Variants in DCAF1 observed in about 807,000 individuals in gnomAD.
DCAF1 encodes the protein DDB1 and CUL4 associated factor 1.
In DCAF1, 15 loss-of-function variants were observed where a neutral mutation model predicts 128.0. That is an observed-to-expected ratio of 0.12 (90% CI 0.08 to 0.18). The LOEUF is 0.18. Ranked by LOEUF, DCAF1 falls within the 10% of genes least tolerant of loss-of-function variation. DCAF1 has a pLI of 1.00. For missense variants in DCAF1, 988 were observed against 1,649.5 expected, an observed-to-expected ratio of 0.60 and a Z score of 6.95; for synonymous variants, 610 against 603.0, an observed-to-expected ratio of 1.01 and a Z score of -0.17.
intron 24 of DCAF1, among the ~76,000 whole-genome samples, chr3:51,401,369 C>T (rs900594183): frequency 6.6e-6 from 1 of 152,134 alleles, no homozygotes; most frequent in Non-Finnish European, 1.5e-5. Flanking sequence ...TTAGGCAAAA[C>T]CATGGGTGCT....
At chr3:51,471,189 CT>C (rs201168888) in intron 3 of DCAF1, among the ~76,000 whole-genome samples, 184 bp from the exon 4 acceptor site, 9,691 of 139,742 alleles carry the variant, frequency 0.069, 683 homozygotes, top group East Asian at 0.32. Context: ...CAAACTCATT[CT>C]TTTTTTTTTT....
At chr3:51,447,705 C>T (rs1173155933) in intron 6 of DCAF1, among the ~76,000 whole-genome samples, 1 of 151,746 alleles carries the variant, frequency 6.6e-6, no homozygotes, top group Non-Finnish European at 1.5e-5. Flanking sequence ...TCCAGCACTT[C>T]GGGAGGCCGA....
downstream of DCAF1, chr3:51,395,997 C>T (rs1577023701): frequency 4.4e-5 from 18 of 412,944 alleles, no homozygotes; most frequent in East Asian, 4.6e-4. Flanking sequence ...TAGCTGGTAC[C>T]GCCAGAAACA....
At chr3:51,492,436 C>T (rs1472255868) in intron 2 of DCAF1, among the ~76,000 whole-genome samples, 1 of 151,742 alleles carries the variant, frequency 6.6e-6, no homozygotes, top group Non-Finnish European at 1.5e-5. Flanking sequence ...ATCACTTGAA[C>T]TCGGAGGGGA....
intron 6 of DCAF1, among the ~76,000 whole-genome samples, chr3:51,460,769 TATCTG>T (rs1238841307): frequency 3.5e-5 from 5 of 142,358 alleles, no homozygotes; most frequent in Non-Finnish European, 7.7e-5. Context: ...TATCTACAAC[TATCTG>T]ATCTTTGACA....
rs1397124271 is a variant in DCAF1, at chr3:51,474,816, ACT to A, written c.111-3813_111-3812del. On this transcript the variant is annotated intron_variant, in intron 3 of 24. Coordinates refer to ENST00000684031, the MANE Select transcript of DCAF1 (RefSeq NM_001387579.1). ...TTTTTTTTTTTTGAGATGGAGTCTCACTCTGTCGCCCAGGCTGGAGTACAGTG... is the reference window on the plus strand; with the variant it reads ...TTTTTTTTTTTTGAGATGGAGTCTCACTGTCGCCCAGGCTGGAGTACAGTG... 3.8e-5 allele frequency among the ~76,000 whole-genome samples: 5 copies of A among 131,766 alleles called. No homozygotes were observed. In the Admixed American group the frequency reaches 4.6e-4, roughly 12 times the overall value. 86.4% of individuals were successfully genotyped at this position (131,766 alleles called of 152,430 possible). A position where few individuals can be genotyped will look rare whatever the true frequency, so the allele number is the denominator to read the frequency against.
At chr3:51,430,952 G>A (rs1353477833) in intron 10 of DCAF1, among the ~76,000 whole-genome samples, 2 of 152,202 alleles carry the variant, frequency 1.3e-5, no homozygotes, top group East Asian at 3.8e-4. Flanking sequence ...GGGGATCACA[G>A]GAGCCCATCG....
chr3:51,472,363 G>C (rs1577258789), intron 3 of DCAF1, among the ~76,000 whole-genome samples: 1 of 152,034 alleles, frequency 6.6e-6, no homozygotes, highest in African/African-American at 2.4e-5. Flanking sequence ...AGTGAGTTCT[G>C]CCTGATCCAG....
upstream of DCAF1, among the ~76,000 whole-genome samples, chr3:51,501,845 A>G (rs928287131): frequency 2.6e-5 from 4 of 152,106 alleles, no homozygotes; most frequent in African/African-American, 9.7e-5. Context: ...TTTCAACTTC[A>G]GAGCATGCTG....
At chr3:51,442,402 A>G (rs1425963486) in intron 7 of DCAF1, among the ~76,000 whole-genome samples, 1 of 152,166 alleles carries the variant, frequency 6.6e-6, no homozygotes, top group Non-Finnish European at 1.5e-5. Context: ...GTTTCATTTT[A>G]AAGAGAGAGG....
intron 5 of DCAF1, among the ~76,000 whole-genome samples, chr3:51,464,449 C>T (rs1280642126): frequency 6.6e-6 from 1 of 151,970 alleles, no homozygotes; most frequent in Non-Finnish European, 1.5e-5. Context: ...AATCCCAGCA[C>T]ATTGGGTGGC....
At chr3:51,428,764 T>C (rs1269102839) in intron 12 of DCAF1, among the ~76,000 whole-genome samples, 7 of 151,830 alleles carry the variant, frequency 4.6e-5, no homozygotes, top group African/African-American at 1.7e-4. Context: ...GAGGTCGAGG[T>C]GGGAGGACTG....
chr3:51,420,268 C>T lies in DCAF1; in HGVS notation c.2702G>A (p.Arg901Gln), dbSNP rs1451351695. 1.2e-6 allele frequency: 2 copies of T among 1,613,894 alleles called. No individual in the cohort carries two copies. The highest frequency in any genetic ancestry group is 8.5e-7 in the Non-Finnish European group (1 of 1,179,874). Residue 901 changes from arginine (R) to glutamine (Q), a missense_variant, in exon 15 of 25, where the codon CGA becomes CAA. Physicochemically the swap from Arg to Gln is conservative, Grantham distance 43. Coordinates refer to ENST00000684031, the MANE Select transcript of DCAF1 (RefSeq NM_001387579.1). This position sits in a 1 kb window ranked among gnomAD's most constrained non-coding sequence, Gnocchi z 6.5. ...AATGCCATTAGCGATACGAGGGGTT[C>T]GGGGTAGAGAGACAGGAGAAGCAGC... ...TAAASPVSLPRTPRIANGIAT... is the reference protein window; with the variant it reads ...TAAASPVSLPQTPRIANGIAT...
At chr3:51,492,424 G>C (rs1413957094) in intron 2 of DCAF1, among the ~76,000 whole-genome samples, 2 of 151,960 alleles carry the variant, frequency 1.3e-5, no homozygotes, top group African/African-American at 2.4e-5. Context: ...TGAGGCAGGA[G>C]AATCACTTGA....
chr3:51,465,857 G>C (rs1704074104), intron 5 of DCAF1, among the ~76,000 whole-genome samples: 1 of 152,060 alleles, frequency 6.6e-6, no homozygotes, highest in South Asian at 2.1e-4. Flanking sequence ...CATTCAAGGA[G>C]TACAAAAAAG....
chr3:51,482,182 C>T (rs1004015392), intron 3 of DCAF1, among the ~76,000 whole-genome samples: 14 of 151,962 alleles, frequency 9.2e-5, no homozygotes, highest in Admixed American at 4.6e-4. Context: ...ACTGTGGCTT[C>T]GCCTGTAATC....
At chr3:51,482,464 G>A (rs1464214961) in intron 3 of DCAF1, among the ~76,000 whole-genome samples, 1 of 149,660 alleles carries the variant, frequency 6.7e-6, no homozygotes, top group Admixed American at 6.8e-5. Context: ...AGAAGAGCCA[G>A]GTAAAGATAT....
At chr3:51,426,840 TC>T (rs1699951985) in intron 13 of DCAF1, among the ~76,000 whole-genome samples, 1 of 152,360 alleles carries the variant, frequency 6.6e-6, no homozygotes, top group East Asian at 1.9e-4. Flanking sequence ...CAGTTTTATT[TC>T]TTTTTATATC....
At chr3:51,449,296 C>T (rs1553640964) in intron 6 of DCAF1, among the ~76,000 whole-genome samples, 1 of 152,200 alleles carries the variant, frequency 6.6e-6, no homozygotes, top group Non-Finnish European at 1.5e-5. Context: ...CCACCTCTGC[C>T]TCCTGAGTTC....
Sources: allele counts gnomAD v4.1 joint callset (sites outside exome capture counted in the v4.1 genomes callset), GRCh38; gene constraint gnomAD v4.1.1; non-coding constraint Gnocchi (gnomAD v3.1); transcripts MANE v1.5; gene names NCBI Gene and HGNC (gene_info 2026-07-23, HGNC 2026-07-21).